Variants in BLK observed in about 807,000 individuals in gnomAD.
BLK encodes BLK proto-oncogene, Src family tyrosine kinase.
In BLK, 64 loss-of-function variants were observed where a neutral mutation model predicts 61.8. That is an observed-to-expected ratio of 1.03 (90% CI 0.85 to 1.27). The LOEUF (loss-of-function observed/expected upper bound fraction) is 1.27. Ranked by LOEUF, BLK falls within the 50% of genes most tolerant of loss-of-function variation. The pLI, the probability that BLK is intolerant of heterozygous loss-of-function variation, is 0.00. For synonymous variants in BLK, 351 were observed against 272.0 expected (o/e 1.29, Z -2.86); for missense variants, 853 against 660.5 (o/e 1.29, Z -3.19).
chr8:11,554,800 A>G lies in BLK; in HGVS notation c.530A>G (p.Tyr177Cys), dbSNP rs775313404. Reference sequence around the variant, plus strand: ...ACCCAGGGGGAGCTGATCAAGCACTATAAGATCCGCTGCCTGGATGAAGGG... The same window carrying G: ...ACCCAGGGGGAGCTGATCAAGCACTGTAAGATCCGCTGCCTGGATGAAGGG... ...VTTQGELIKHYKIRCLDEGGY... is the reference protein window; with the variant it reads ...VTTQGELIKHCKIRCLDEGGY... The change falls in exon 7 of 13, where the codon TAT becomes TGT. Residue 177 changes from tyrosine to cysteine, a missense_variant. By Grantham distance (194) the Tyr-to-Cys change is radical (BLOSUM62 -2). Transcript: ENST00000259089. 5.6e-6 allele frequency: 9 copies of G among 1,613,980 alleles called. No individual in the cohort carries two copies. The highest frequency in any genetic ancestry group is 1.3e-5 in the African/African-American group (1 of 74,900).
At chr8:11,538,940 G>T (rs1305456068) in intron 1 of BLK, among the ~76,000 whole-genome samples, 2 of 152,090 alleles carry the variant, frequency 1.3e-5, no homozygotes, top group Non-Finnish European at 2.9e-5. Context: ...TAGTATTAAA[G>T]AATTTAAGAA....
chr8:11,543,459 G>A, intron 2 of BLK, 112 bp downstream of exon 2: 4 of 1,415,754 alleles, frequency 2.8e-6, no homozygotes, highest in Non-Finnish European at 1.9e-6. Context: ...GGGATGTAAC[G>A]ATCTGCAATG....
Position 11,519,817 on chromosome 8 carries a change from G to A in BLK, c.-1-23407G>A, listed in dbSNP as rs28661309. Among the ~76,000 whole-genome samples the A allele has an allele frequency of 9.8e-3, 1,496 of 152,268 alleles. 12 individuals carry two copies. The highest frequency in any genetic ancestry group is 0.044 in the Middle Eastern group (13 of 294). On this transcript the variant is annotated intron_variant, in intron 1 of 12. Transcript: ENST00000259089. ...CCAAGCACTCCATTTAAACTCTACT[G>A]TATGCTGATTTGAGTTTCATAAACA...
rs1054999044 is a variant in BLK, at chr8:11,533,582, C to CGGA, written c.-1-9622_-1-9620dup. Among the ~76,000 whole-genome samples, 120 of 47,766 alleles carry CGGA rather than the reference C, an allele frequency of 2.5e-3. 2 individuals carry two copies. Among genetic ancestry groups the CGGA allele is most frequent in the African/African-American group, 7.2e-3 (109 of 15,160 alleles). The allele number at this position is 47,766 out of a possible 152,430, so 31.3% of individuals were successfully genotyped here. On this transcript the variant is annotated intron_variant, in intron 1 of 12. Transcript: ENST00000259089. ...GTGCTTCAGTTTCTTCCCTGTCTGC[C>CGGA]GGAGGAGGAGGAGGAGGAGGAGAAG...
At chr8:11,548,960 G>C in intron 4 of BLK, 64 bp from the exon 5 acceptor site, 1 of 1,430,710 alleles carries the variant, frequency 7.0e-7, no homozygotes, top group Non-Finnish European at 9.7e-7. Flanking sequence ...GGAGGCCTGA[G>C]AGCTGCCCAG....
chr8:11,516,005 A>G (rs986849817), intron 1 of BLK, among the ~76,000 whole-genome samples: 2 of 152,358 alleles, frequency 1.3e-5, no homozygotes, highest in South Asian at 2.1e-4. Flanking sequence ...GGCACTGTAG[A>G]TGGAACAAAA....
intron 1 of BLK, among the ~76,000 whole-genome samples, chr8:11,527,946 T>A (rs543601738): frequency 1.3e-5 from 2 of 152,272 alleles, no homozygotes; most frequent in African/African-American, 4.8e-5. Flanking sequence ...GGTCCCCCCA[T>A]AATCCTGTTC....
At chr8:11,557,875 TG>T in intron 9 of BLK, 86 bp from the exon 10 acceptor site, 1 of 1,214,130 alleles carries the variant, frequency 8.2e-7, no homozygotes, top group Non-Finnish European at 1.2e-6. Flanking sequence ...CCCGCGCCCA[TG>T]GGGAGCCACT....
At chr8:11,520,021 T>C (rs1355002806) in intron 1 of BLK, among the ~76,000 whole-genome samples, 2 of 152,226 alleles carry the variant, frequency 1.3e-5, no homozygotes, top group Admixed American at 1.3e-4. Context: ...TGTAAAGTTT[T>C]GAATTTTATC....
At chr8:11,520,939 T>C (rs1000603103) in intron 1 of BLK, among the ~76,000 whole-genome samples, 1 of 152,134 alleles carries the variant, frequency 6.6e-6, no homozygotes, top group African/African-American at 2.4e-5. Flanking sequence ...CCAATAAAAA[T>C]GAATGCAGGA....
At chr8:11,560,363 A>ATGGATGGATGGGTGGG in intron 10 of BLK, 1 of 214,200 alleles carries the variant, frequency 4.7e-6, no homozygotes, top group South Asian at 7.8e-5. Context: ...GGATGTGTTG[A>ATGGATGGATGGGTGGG]TGGATGGATG....
chr8:11,556,872 A>T, intron 9 of BLK, 35 bp downstream of exon 9: 3 of 1,599,828 alleles, frequency 1.9e-6, no homozygotes, highest in Non-Finnish European at 2.6e-6. Context: ...CCTCAGAGCG[A>T]GGCGGGAGGG....
intron 3 of BLK, among the ~76,000 whole-genome samples, 186 bp from the exon 4 acceptor site, chr8:11,547,846 G>A (rs1800714289): frequency 6.6e-6 from 1 of 152,122 alleles, no homozygotes; most frequent in South Asian, 2.1e-4. Flanking sequence ...GGACAGGATG[G>A]GCTCTGGGGG....
At chr8:11,516,361 C>A (rs951663062) in intron 1 of BLK, among the ~76,000 whole-genome samples, 1 of 151,748 alleles carries the variant, frequency 6.6e-6, no homozygotes, top group African/African-American at 2.4e-5. Context: ...GACCCCGAGT[C>A]CTGCACTTGG....
chr8:11,532,083 C>G (rs934798462), intron 1 of BLK, among the ~76,000 whole-genome samples: 10 of 150,068 alleles, frequency 6.7e-5, no homozygotes, highest in Admixed American at 2.0e-4. Context: ...GGTCTCAAAC[C>G]CCTGACCTCA....
At chr8:11,508,891 G>A (rs1281904280) in intron 1 of BLK, among the ~76,000 whole-genome samples, 1 of 152,198 alleles carries the variant, frequency 6.6e-6, no homozygotes, top group Non-Finnish European at 1.5e-5. Context: ...GCTCGAGGGA[G>A]GTGCCTGCCC....
intron 10 of BLK, chr8:11,558,881 C>T (rs748812727): frequency 6.6e-6 from 3 of 455,932 alleles, no homozygotes; most frequent in South Asian, 4.6e-5. Context: ...CCCACATCAG[C>T]CCTCCCACCT....
intron 10 of BLK, chr8:11,558,652 C>T (rs1445320584): frequency 2.2e-6 from 1 of 456,186 alleles, no homozygotes; most frequent in South Asian, 1.5e-5. Flanking sequence ...CTCACGTTCA[C>T]ATGCAGAACT....
intron 6 of BLK, chr8:11,552,993 C>G (rs549095232): frequency 6.4e-6 from 1 of 156,972 alleles, no homozygotes; most frequent in African/African-American, 2.4e-5. Context: ...CATGCAAACA[C>G]ATACACATGT....
Sources: gnomAD v4.1 joint callset for allele counts (sites outside exome capture counted in the v4.1 genomes callset) on GRCh38, gnomAD v4.1.1 for gene constraint, MANE v1.5 for transcripts, NCBI Gene and HGNC (gene_info 2026-07-23, HGNC 2026-07-21) for gene names.